Variants in MACC1 observed in about 807,000 individuals in gnomAD.
The protein encoded by MACC1 is MET transcriptional regulator MACC1.
Under a neutral mutation model 70.7 loss-of-function variants are expected in MACC1, and 79 were observed. The ratio of observed to expected loss-of-function variants is 1.12; its 90% CI spans 0.93 to 1.35. MACC1 has a LOEUF of 1.35. Ranked by LOEUF, MACC1 falls within the 40% of genes most tolerant of loss-of-function variation. The probability of loss-of-function intolerance (pLI) is 0.00; values close to 1 mark genes in which losing one functional copy is unlikely to be tolerated. For missense variants in MACC1, 1,106 were observed against 978.1 expected (o/e 1.13, Z -1.74); for synonymous variants, 361 against 347.2 (o/e 1.04, Z -0.44).
chr7:20,150,110 T>C (rs1490866122), intron 6 of MACC1, among the ~76,000 whole-genome samples: 2 of 152,208 alleles, frequency 1.3e-5, no homozygotes, highest in African/African-American at 2.4e-5. Flanking sequence ...GTTACAACTA[T>C]TAACATTGTC....
chr7:20,163,982 G>A (rs1472131925), intron 3 of MACC1, among the ~76,000 whole-genome samples: 1 of 152,158 alleles, frequency 6.6e-6, no homozygotes, highest in Non-Finnish European at 1.5e-5. Flanking sequence ...TATCGCCCAG[G>A]CTGGAGTACA....
chr7:20,164,953 C>A (rs1782192323), intron 2 of MACC1, among the ~76,000 whole-genome samples: 1 of 151,092 alleles, frequency 6.6e-6, no homozygotes, highest in East Asian at 1.9e-4. Flanking sequence ...TCCTTTGAGG[C>A]AAATAACCGT....
At chr7:20,211,995 T>C (rs1312152550) in intron 1 of MACC1, among the ~76,000 whole-genome samples, 1 of 152,214 alleles carries the variant, frequency 6.6e-6, no homozygotes, top group Non-Finnish European at 1.5e-5. Flanking sequence ...AACAATCTTA[T>C]AGACTGTTGT....
At position 20,139,130 on chromosome 7, in the gene MACC1, C is replaced by T. The variant is rs889769971; in HGVS notation, c.*1816G>A. On this transcript the variant is annotated 3_prime_UTR_variant, in exon 7 of 7. Transcript: ENST00000400331. ...AAAACAAAATCCTTCTTTGGCTTAC[C>T]CACATTTCTTTGAGGCTGTGTGTTT... The T allele has an allele frequency of 6.6e-6, 1 of 152,132 alleles. No homozygotes were observed. Among genetic ancestry groups the T allele is most frequent in the Non-Finnish European group, 1.5e-5 (1 of 68,028 alleles). The allele number at this position is 152,132 out of a possible 1,614,324, so 9.4% of individuals were successfully genotyped here.
At chr7:20,195,377 A>C (rs966668392) in intron 1 of MACC1, among the ~76,000 whole-genome samples, 1 of 152,256 alleles carries the variant, frequency 6.6e-6, no homozygotes, top group African/African-American at 2.4e-5. Flanking sequence ...AAAGCATAGC[A>C]TCCGACAAAG....
rs1001738190 is a variant in MACC1, at chr7:20,136,766, A to T, written c.*4180T>A. 1 of 151,914 alleles carries T rather than the reference A, an allele frequency of 6.6e-6. No individual in the cohort carries two copies. Among genetic ancestry groups the T allele is most frequent in the Non-Finnish European group, 1.5e-5 (1 of 67,958 alleles). 9.4% of individuals were successfully genotyped at this position (151,914 alleles called of 1,614,324 possible). A position where few individuals can be genotyped will look rare whatever the true frequency, so the allele number is the denominator to read the frequency against. ...AAAAGTTCATACAGAAGGAGGAGGG[A>T]CTTACTTCTCCTCCTTGCGATTATT... On this transcript the variant is annotated 3_prime_UTR_variant, in exon 7 of 7. Coordinates refer to ENST00000400331, the MANE Select transcript of MACC1 (RefSeq NM_182762.4).
rs1781731306 is a variant in MACC1, at chr7:20,137,274, C to G, written c.*3672G>C. The G allele has an allele frequency of 6.6e-6, 1 of 152,170 alleles. No homozygotes were observed. Among genetic ancestry groups the G allele is most frequent in the South Asian group, 2.1e-4 (1 of 4,832 alleles). 9.4% of individuals were successfully genotyped at this position (152,170 alleles called of 1,614,324 possible). ...TTAGTAGCAGCAGTGTTTCTCAGCC[C>G]AATGCCATCCATTGATTTAGCATTC... On this transcript the variant is annotated 3_prime_UTR_variant, in exon 7 of 7. Transcript: ENST00000400331.
chr7:20,173,138 G>C (rs1782337550), intron 1 of MACC1, among the ~76,000 whole-genome samples: 1 of 152,132 alleles, frequency 6.6e-6, no homozygotes, highest in Admixed American at 6.5e-5. Context: ...TGGATCCCAG[G>C]CTTCATTTAT....
In MACC1 at chr7:20,158,989, T is replaced by G; in HGVS notation, c.1372A>C (p.Lys458Gln). ...ACTACTTCACCTGCTTCCAACTGCTTTTGTTTAATTTCTTTCCTTTCTCCT... is the reference window on the plus strand; with the variant it reads ...ACTACTTCACCTGCTTCCAACTGCTGTTGTTTAATTTCTTTCCTTTCTCCT... ...TEGERKEIKQ[K>Q]QLEAGEVVHQ... Residue 458 changes from lysine to glutamine, a missense_variant, in exon 5 of 7, where the codon AAG becomes CAG. Lys to Gln is a moderately conservative substitution (Grantham distance 53). Coordinates refer to ENST00000400331, the MANE Select transcript of MACC1 (RefSeq NM_182762.4). 1 of 1,614,042 alleles carries G rather than the reference T, an allele frequency of 6.2e-7. No individual in the cohort carries two copies. The highest frequency in any genetic ancestry group is 1.3e-5 in the African/African-American group (1 of 75,044).
Position 20,140,922 on chromosome 7 carries a change from C to T in MACC1, c.*24G>A, listed in dbSNP as rs200183220. ...ACACACCATTACCTCATTTTCCCTC[C>T]CATCAAAAACACACGCTTTGTTTCT... is the stretch of plus-strand genomic sequence containing the variant. On this transcript the variant is annotated 3_prime_UTR_variant, in exon 7 of 7. Transcript: ENST00000400331. The T allele has an allele frequency of 2.5e-6, 4 of 1,574,496 alleles. No individual in the cohort carries two copies. The highest frequency in any genetic ancestry group is 2.3e-5 in the South Asian group (2 of 87,388).
In MACC1 at chr7:20,137,316, C is replaced by T. The variant is rs1781731567; in HGVS notation, c.*3630G>A. ...TTAGCATTCTATTCCTTCCAGAAAC[C>T]TAGTCATCCCCAAACTGAGAACTTT... On this transcript the variant is annotated 3_prime_UTR_variant, in exon 7 of 7. Coordinates refer to ENST00000400331, the MANE Select transcript of MACC1 (RefSeq NM_182762.4). 6.6e-6 allele frequency: 1 copy of T among 152,110 alleles called. No individual in the cohort carries two copies. Among genetic ancestry groups the T allele is most frequent in the South Asian group, 2.1e-4 (1 of 4,816 alleles). The allele number at this position is 152,110 out of a possible 1,614,324, so 9.4% of individuals were successfully genotyped here.
chr7:20,159,379 T>C lies in MACC1; in HGVS notation c.982A>G (p.Ile328Val). Residue 328 changes from isoleucine to valine, a missense_variant, in exon 5 of 7, where the codon ATT becomes GTT. Ile to Val is a conservative substitution (Grantham distance 29, BLOSUM62 3). Transcript: ENST00000400331. ...TTGACTTGGATGGTGTCTTTATAAA[T>C]GTAGCAGTTGCTTAAAACTTTAAAA... ...GPFKVLSNCY[I>V]YKDTIQVKLI... 6.2e-7 allele frequency: 1 copy of C among 1,614,066 alleles called. No individual in the cohort carries two copies. The highest frequency in any genetic ancestry group is 8.5e-7 in the Non-Finnish European group (1 of 1,180,016).
chr7:20,180,109 T>C (rs1782478712), intron 1 of MACC1, among the ~76,000 whole-genome samples: 1 of 152,206 alleles, frequency 6.6e-6, no homozygotes. Context: ...GGAGAGAATA[T>C]ACTTATTCAA....
At chr7:20,168,605 C>T (rs1290861819) in intron 2 of MACC1, among the ~76,000 whole-genome samples, 1 of 152,196 alleles carries the variant, frequency 6.6e-6, no homozygotes. Flanking sequence ...AACAGTAAAT[C>T]TCTTTAATGG....
intron 4 of MACC1, 144 bp downstream of exon 4, chr7:20,161,604 C>T (rs1307257202): frequency 1.5e-5 from 8 of 549,888 alleles, no homozygotes; most frequent in South Asian, 2.6e-5. Flanking sequence ...TTTTGCACAT[C>T]TTTTTAACTA....
chr7:20,134,667 A>G lies in MACC1; in HGVS notation c.*6279T>C, dbSNP rs575415739. 7.2e-5 allele frequency: 11 copies of G among 152,366 alleles called. No individual in the cohort carries two copies. Among genetic ancestry groups the G allele is most frequent in the East Asian group, 1.9e-4 (1 of 5,196 alleles). 9.4% of individuals were successfully genotyped at this position (152,366 alleles called of 1,614,324 possible). On this transcript the variant is annotated 3_prime_UTR_variant, in exon 7 of 7. Transcript: ENST00000400331. ...TCATAACTAAAGATTTGATTTTTCA[A>G]TGACTCACTCTATTTTCATGAACAA... is the stretch of plus-strand genomic sequence containing the variant.
chr7:20,197,865 G>A (rs945829449), intron 1 of MACC1, among the ~76,000 whole-genome samples: 4 of 152,038 alleles, frequency 2.6e-5, no homozygotes, highest in Admixed American at 6.6e-5. Context: ...AATCTACCAT[G>A]TATTGTTTTT....
At chr7:20,175,030 G>A (rs772624842) in intron 1 of MACC1, among the ~76,000 whole-genome samples, 3 of 151,640 alleles carry the variant, frequency 2.0e-5, no homozygotes, top group Non-Finnish European at 4.4e-5. Context: ...TTTTATTTAC[G>A]ATATTTTATG....
chr7:20,176,534 A>G (rs1782395722), intron 1 of MACC1, among the ~76,000 whole-genome samples: 1 of 152,184 alleles, frequency 6.6e-6, no homozygotes, highest in Admixed American at 6.5e-5. Context: ...TCTTTTAAAA[A>G]TTCAACATAA....
Sources: gnomAD v4.1 joint callset for allele counts (sites outside exome capture counted in the v4.1 genomes callset) on GRCh38, gnomAD v4.1.1 for gene constraint, MANE v1.5 for transcripts, NCBI Gene and HGNC (gene_info 2026-07-23, HGNC 2026-07-21) for gene names.